Variants in GSTM5 observed in about 807,000 individuals in gnomAD.
GSTM5 encodes the protein glutathione S-transferase mu 5.
GSTM5 carries 24 observed loss-of-function variants against 29.0 expected under a neutral mutation model. The observed-to-expected ratio is 0.83, with a 90% CI of 0.60 to 1.16. The LOEUF is 1.16. Among genes scored for constraint, GSTM5 ranks in the 50% most tolerant of loss-of-function variants. The pLI is 0.00. For missense variants in GSTM5, 290 were observed against 263.0 expected (o/e 1.10, Z -0.71); for synonymous variants, 91 against 93.6 (o/e 0.97, Z 0.16).
chr1:109,714,692 A>T (rs541856200), intron 5 of GSTM5: 1 of 548,028 alleles, frequency 1.8e-6, no homozygotes, highest in Non-Finnish European at 3.3e-6. Flanking sequence ...GCTGACCCAG[A>T]GGCTATTGGG....
chr1:109,717,418 A>T lies in GSTM5; in HGVS notation c.649A>T (p.Ser217Cys). The change falls in exon 8 of 8, where the codon AGC (serine) becomes TGC (cysteine). Residue 217 changes from serine to cysteine, a missense_variant. Transcript: ENST00000256593. Reference protein sequence around the residue: ...LLFGKSATWNSK With the variant: ...LLFGKSATWNCK ...GTTTGGAAAGTCAGCTACATGGAAC[A>T]GCAAATAGGGCCCAGTGATGCCAGA... is the stretch of plus-strand genomic sequence containing the variant. 6.2e-7 allele frequency: 1 copy of T among 1,612,802 alleles called. No homozygotes were observed. Among genetic ancestry groups the T allele is most frequent in the Non-Finnish European group, 8.5e-7 (1 of 1,178,812 alleles).
Position 109,712,625 on chromosome 1 carries a change from A to G in GSTM5, c.44A>G (p.His15Arg). 6.2e-7 allele frequency: 1 copy of G among 1,613,856 alleles called. No homozygotes were observed. Among genetic ancestry groups the G allele is most frequent in the Non-Finnish European group, 8.5e-7 (1 of 1,179,976 alleles). The change falls in exon 2 of 8, where the codon CAC (histidine) becomes CGC (arginine). Residue 15 changes from histidine (H) to arginine (R), a missense_variant. His to Arg is a conservative substitution (Grantham distance 29, BLOSUM62 0). Coordinates refer to ENST00000256593, the MANE Select transcript of GSTM5 (RefSeq NM_000851.4). ...LGYWDIRGLA[H>R]AIRLLLEYTD... Reference sequence around the variant, plus strand: ...GCGGGCCATCTCTCCCAGCTGGCCCACGCCATCCGCTTGCTCCTGGAATAC... The same window carrying G: ...GCGGGCCATCTCTCCCAGCTGGCCCGCGCCATCCGCTTGCTCCTGGAATAC...
rs780864930 is a variant in GSTM5 at position 109,715,281 on chromosome 1, C to T, written c.567+41C>T. ...TCCTTTCTCTTTGATGCCCCTTGTT[C>T]CTTTCTCTCCTTTCAGATGCTTTCC... is the stretch of plus-strand genomic sequence containing the variant. On this transcript the variant is annotated intron_variant, in intron 7 of 7. Coordinates refer to ENST00000256593, the MANE Select transcript of GSTM5 (RefSeq NM_000851.4). 1.9e-5 allele frequency: 30 copies of T among 1,614,050 alleles called. No individual in the cohort carries two copies. In the Admixed American group the frequency reaches 3.7e-4, roughly 20 times the overall value.
At position 109,712,584 on chromosome 1, in the gene GSTM5, A is replaced by C. The variant is rs188013476; in HGVS notation, c.37-34A>C. The stretch of plus-strand genomic sequence containing the variant: ...AAAGTCACCAAGTCAGGGACCCTCC[A>C]TCTCTGACCCGAGCCGCGGGCCATC... On this transcript the variant is annotated intron_variant, in intron 1 of 7. Coordinates refer to ENST00000256593, the MANE Select transcript of GSTM5 (RefSeq NM_000851.4). 17 of 1,610,286 alleles carry C rather than the reference A, an allele frequency of 1.1e-5. No individual in the cohort carries two copies. In the African/African-American group the frequency reaches 1.9e-4, roughly 18 times the overall value.
chr1:109,717,412 T>A lies in GSTM5; in HGVS notation c.643T>A (p.Trp215Arg). The change falls in exon 8 of 8, where the codon TGG becomes AGG. Residue 215 changes from tryptophan to arginine, a missense_variant. Trp to Arg is a moderately radical substitution (Grantham distance 101, BLOSUM62 -3). Coordinates refer to ENST00000256593, the MANE Select transcript of GSTM5 (RefSeq NM_000851.4). ...TCTTTTGTTTGGAAAGTCAGCTACATGGAACAGCAAATAGGGCCCAGTGAT... is the reference window on the plus strand; with the variant it reads ...TCTTTTGTTTGGAAAGTCAGCTACAAGGAACAGCAAATAGGGCCCAGTGAT... ...RGLLFGKSAT[W>R]NSK is the part of the protein sequence containing the mutation. 6.2e-7 allele frequency: 1 copy of A among 1,613,506 alleles called. No homozygotes were observed. The highest frequency in any genetic ancestry group is 1.7e-5 in the Admixed American group (1 of 60,004).
At chr1:109,717,216 C>T (rs1404510109) in intron 7 of GSTM5, 121 bp from the exon 8 acceptor site, 1 of 708,150 alleles carries the variant, frequency 1.4e-6, no homozygotes. Flanking sequence ...TGTGATGCTC[C>T]AGCACTTGAG....
chr1:109,715,246 GCCCCCATCCT>G lies in GSTM5; in HGVS notation c.567+9_567+18del, dbSNP rs1648706268. On this transcript the variant is annotated splice_region_variant and intron_variant, in intron 7 of 7. Transcript: ENST00000256593. Reference sequence around the variant, plus strand: ...ACTTCATCTCCCGCTTTGAGGTGATGCCCCCATCCTCCTTTCTCTTTGATGCCCCTTGTTC... The same window carrying G: ...ACTTCATCTCCCGCTTTGAGGTGATGCCTTTCTCTTTGATGCCCCTTGTTC... The G allele has an allele frequency of 6.2e-7, 1 of 1,614,086 alleles. No individual in the cohort carries two copies. The highest frequency in any genetic ancestry group is 8.5e-7 in the Non-Finnish European group (1 of 1,180,046).
chr1:109,714,032 C>T, intron 5 of GSTM5: 1 of 322,554 alleles, frequency 3.1e-6, no homozygotes, highest in Non-Finnish European at 5.8e-6. Flanking sequence ...CTGCACCTGG[C>T]AGAGTTTGGA....
chr1:109,712,190 C>T (rs1648539724), upstream of GSTM5: 39 of 1,059,346 alleles, frequency 3.7e-5, no homozygotes, highest in Non-Finnish European at 5.3e-5. Context: ...TGGCGTGTTT[C>T]GGGGTTGTGG....
In GSTM5 at chr1:109,714,817, G is replaced by T. The variant is rs564557059; in HGVS notation, c.361-130G>T. The T allele has an allele frequency of 2.0e-4, 169 of 835,496 alleles. 3 individuals carry two copies. The South Asian group carries it at 2.4e-3, about 12-fold the overall frequency. 51.8% of individuals were successfully genotyped at this position (835,496 alleles called of 1,614,324 possible). Reference sequence around the variant, plus strand: ...TGTATCCAATTGAAGCCTGGGCACTGCCCCGGTTTTAGTTGTGGGGAAGAT... The same window carrying T: ...TGTATCCAATTGAAGCCTGGGCACTTCCCCGGTTTTAGTTGTGGGGAAGAT... On this transcript the variant is annotated intron_variant, in intron 5 of 7. Coordinates refer to ENST00000256593, the MANE Select transcript of GSTM5 (RefSeq NM_000851.4).
At chr1:109,713,968 ATGCAAC>A (rs1648658983) in intron 5 of GSTM5, 1 of 438,892 alleles carries the variant, frequency 2.3e-6, no homozygotes, top group African/African-American at 2.1e-5. Flanking sequence ...GGACAACTGG[ATGCAAC>A]TGGTCATGAT....
chr1:109,713,498 T>G lies in GSTM5; in HGVS notation c.192T>G (p.Ile64Met), dbSNP rs142675425. The change falls in exon 4 of 8, where the codon ATT becomes ATG. Residue 64 changes from isoleucine (I) to methionine (M), a missense_variant. By Grantham distance (10) the Ile-to-Met change is conservative. Coordinates refer to ENST00000256593, the MANE Select transcript of GSTM5 (RefSeq NM_000851.4). ...CATCTATCCAGCTGCCCTACTTGAT[T>G]GATGGGGCTCACAAGATCACCCAGA... The part of the protein sequence containing the change: ...GLDFPNLPYL[I>M]DGAHKITQSN... The G allele has an allele frequency of 7.6e-4, 1,226 of 1,614,232 alleles. No individual in the cohort carries two copies. The highest frequency in any genetic ancestry group is 1.0e-3 in the Non-Finnish European group (1,176 of 1,180,036).
chr1:109,713,589 GC>G lies in GSTM5; in HGVS notation c.259+25del, dbSNP rs756991544. 91 of 1,614,210 alleles carry G rather than the reference GC, an allele frequency of 5.6e-5. No individual in the cohort carries two copies. In the African/African-American group the frequency reaches 1.1e-3, roughly 19 times the overall value. On this transcript the variant is annotated intron_variant, in intron 4 of 7. Transcript: ENST00000256593. ...GTGTGAGTGTGGGTGGCTGCAATGT[GC>G]GGGGGGAAGGTGACCTCCTCCTTGG...
intron 7 of GSTM5, chr1:109,716,123 G>C (rs528674232): frequency 3.8e-5 from 12 of 316,456 alleles, no homozygotes; most frequent in Non-Finnish European, 7.3e-5. Context: ...ACCGGGCCTG[G>C]GGCCTGCCCC....
intron 4 of GSTM5, 40 bp downstream of exon 4, chr1:109,713,605 C>A: frequency 1.2e-6 from 2 of 1,614,160 alleles, no homozygotes; most frequent in Non-Finnish European, 1.7e-6. Context: ...GGAAGGTGAC[C>A]TCCTCCTTGG....
intron 3 of GSTM5, 86 bp from the exon 4 acceptor site, chr1:109,713,398 G>T: frequency 6.3e-7 from 1 of 1,576,160 alleles, no homozygotes; most frequent in Admixed American, 1.7e-5. Flanking sequence ...GCAGGCCCTG[G>T]TCTCCTCTCT....
chr1:109,713,645 G>A lies in GSTM5; in HGVS notation c.260-16G>A. ...GCTGTGATGCTGAGATTGAGTCTGT[G>A]TTTTGTGGGTGGCAGGTGGGGAGAC... is the stretch of plus-strand genomic sequence containing the variant. On this transcript the variant is annotated splice_polypyrimidine_tract_variant and intron_variant, in intron 4 of 7. Coordinates refer to ENST00000256593, the MANE Select transcript of GSTM5 (RefSeq NM_000851.4). 1 of 1,614,228 alleles carries A rather than the reference G, an allele frequency of 6.2e-7. No individual in the cohort carries two copies. The highest frequency in any genetic ancestry group is 8.5e-7 in the Non-Finnish European group (1 of 1,180,036).
At chr1:109,713,324 A>C (rs1648630594) in intron 3 of GSTM5, 141 bp downstream of exon 3, 1 of 1,382,432 alleles carries the variant, frequency 7.2e-7, no homozygotes, top group Non-Finnish European at 1.0e-6. Context: ...CAGCCCTTGC[A>C]TGATGTTCTG....
intron 5 of GSTM5, 49 bp downstream of exon 5, chr1:109,713,810 C>T (rs1648653310): frequency 1.3e-6 from 2 of 1,551,370 alleles, no homozygotes; most frequent in Non-Finnish European, 1.8e-6. Context: ...GCCTTTTGGC[C>T]CAGACCAGGG....
Sources: allele counts gnomAD v4.1 joint callset, GRCh38; gene constraint gnomAD v4.1.1; transcripts MANE v1.5; gene names NCBI Gene and HGNC (gene_info 2026-07-23, HGNC 2026-07-21).